Variants in EXOC4 observed in about 807,000 individuals in gnomAD.
EXOC4 encodes exocyst complex component 4.
Under a neutral mutation model 107.2 loss-of-function variants are expected in EXOC4, and 71 were observed. The observed-to-expected ratio is 0.66, with a 90% CI of 0.55 to 0.81. The LOEUF is 0.81. EXOC4 is among the 30% of genes least tolerant of loss of function. EXOC4 has a pLI of 0.00. For synonymous variants in EXOC4, 456 were observed against 441.2 expected, an observed-to-expected ratio of 1.03 and a Z score of -0.42; for missense variants, 1,108 against 1,189.6, an observed-to-expected ratio of 0.93 and a Z score of 1.01.
At position 133,929,197 on chromosome 7, in the gene EXOC4, C is replaced by T. The variant is rs536571140; in HGVS notation, c.2028-8694C>T. Among the ~76,000 whole-genome samples, 46 of 152,158 alleles carry T rather than the reference C, an allele frequency of 3.0e-4. 1 individual carries two copies. The South Asian group carries it at 9.5e-3, about 32-fold the overall frequency. On this transcript the variant is annotated intron_variant, in intron 13 of 17. Transcript: ENST00000253861. Reference sequence around the variant, plus strand: ...CTATTCGCCTTGGCCTCCCAACGTGCTGGTATTATAGGCATGAGCCACCAC... The same window carrying T: ...CTATTCGCCTTGGCCTCCCAACGTGTTGGTATTATAGGCATGAGCCACCAC...
chr7:133,584,497 A>C (rs1801349893), intron 9 of EXOC4, among the ~76,000 whole-genome samples: 1 of 148,106 alleles, frequency 6.8e-6, no homozygotes, highest in African/African-American at 2.5e-5. Context: ...CCTGTGCAGT[A>C]CCTTTTAGAT....
intron 14 of EXOC4, among the ~76,000 whole-genome samples, chr7:133,996,571 T>C (rs556690467): frequency 6.6e-6 from 1 of 152,288 alleles, no homozygotes; most frequent in South Asian, 2.1e-4. Context: ...CTTTATCAAA[T>C]TTTCCAAAAA....
At chr7:133,631,570 CT>C (rs1802592082) in intron 10 of EXOC4, among the ~76,000 whole-genome samples, 1 of 151,896 alleles carries the variant, frequency 6.6e-6, no homozygotes, top group Non-Finnish European at 1.5e-5. Context: ...ATTTTATTGC[CT>C]TTAAGAAGTC....
intron 1 of EXOC4, chr7:133,253,493 G>C: frequency 9.0e-7 from 1 of 1,110,576 alleles, no homozygotes; most frequent in Non-Finnish European, 1.1e-6. Flanking sequence ...CAGGTGTAAA[G>C]GTGTGTTTAT....
chr7:134,008,803 AT>A (rs11363144), intron 17 of EXOC4, among the ~76,000 whole-genome samples: 111,371 of 151,616 alleles, frequency 0.73, 41,719 homozygotes, highest in East Asian at 0.91. Flanking sequence ...TAATTTTTAT[AT>A]TTTTTTTATA....
At chr7:134,082,714 C>T in the EXOC4 span, among the ~76,000 whole-genome samples, 1 of 152,216 alleles carries the variant, frequency 6.6e-6, no homozygotes, top group Admixed American at 6.5e-5. Flanking sequence ...GCTGGGATTA[C>T]AGGCATGACC....
At chr7:133,569,614 G>A (rs1466187481) in intron 9 of EXOC4, among the ~76,000 whole-genome samples, 2 of 152,068 alleles carry the variant, frequency 1.3e-5, no homozygotes, top group Non-Finnish European at 2.9e-5. Flanking sequence ...AAAGATGTGT[G>A]GATTATATTT....
chr7:133,884,621 GC>G (rs1799041419), intron 11 of EXOC4, among the ~76,000 whole-genome samples: 4 of 145,932 alleles, frequency 2.7e-5, no homozygotes, highest in African/African-American at 1.1e-4. Context: ...GTGTGTGTGT[GC>G]GCGCGTGTGT....
At chr7:133,452,967 T>A (rs1357726490) in intron 7 of EXOC4, among the ~76,000 whole-genome samples, 1 of 150,248 alleles carries the variant, frequency 6.7e-6, no homozygotes, top group East Asian at 2.0e-4. Flanking sequence ...TTATGTAAAG[T>A]CTCCTTTTGT....
chr7:134,059,596 G>T (rs1044044516), intron 17 of EXOC4, among the ~76,000 whole-genome samples: 1 of 152,148 alleles, frequency 6.6e-6, no homozygotes, highest in Non-Finnish European at 1.5e-5. Flanking sequence ...TGGCAGCATT[G>T]TCAAGTGTCC....
downstream of EXOC4, among the ~76,000 whole-genome samples, chr7:134,070,669 A>G (rs1796261959): frequency 6.6e-6 from 1 of 152,154 alleles, no homozygotes; most frequent in African/African-American, 2.4e-5. Flanking sequence ...TTGCCAGGAC[A>G]TTTACACACC....
chr7:133,440,628 G>C (rs868372507), intron 7 of EXOC4, among the ~76,000 whole-genome samples: 1 of 152,194 alleles, frequency 6.6e-6, no homozygotes, highest in African/African-American at 2.4e-5. Flanking sequence ...AAAATAGGTT[G>C]CAGTAAAGAA....
At chr7:133,398,127 GA>G (rs1028173924) in intron 7 of EXOC4, among the ~76,000 whole-genome samples, 7 of 151,748 alleles carry the variant, frequency 4.6e-5, no homozygotes, top group East Asian at 3.9e-4. Flanking sequence ...TTGTAATCTG[GA>G]AAAAAAATAT....
At chr7:133,751,982 C>CAAATAAATAAATAAATAAATAAATAAAT (rs138557946) in intron 10 of EXOC4, among the ~76,000 whole-genome samples, 10 of 125,092 alleles carry the variant, frequency 8.0e-5, no homozygotes, top group South Asian at 5.1e-4. Flanking sequence ...ATCTCTCTAC[C>CAAATAAATAAATAAATAAATAAATAAAT]AAATAAATAA....
chr7:133,810,368 C>CT (rs1476992890), intron 10 of EXOC4, among the ~76,000 whole-genome samples: 1 of 152,056 alleles, frequency 6.6e-6, no homozygotes, highest in African/African-American at 2.4e-5. Context: ...CCCTTGATAG[C>CT]AATCAAATCA....
chr7:133,855,438 G>C (rs139597702), intron 11 of EXOC4, among the ~76,000 whole-genome samples: 1 of 152,018 alleles, frequency 6.6e-6, no homozygotes, highest in East Asian at 1.9e-4. Context: ...CCATTTATCA[G>C]GCAGGGAGAA....
intron 7 of EXOC4, among the ~76,000 whole-genome samples, chr7:133,377,625 G>C (rs1219194526): frequency 6.6e-6 from 1 of 152,104 alleles, no homozygotes; most frequent in Admixed American, 6.6e-5. Flanking sequence ...GAGAAATGGT[G>C]ACCAAAAAGT....
chr7:133,707,108 T>C (rs555341939), intron 10 of EXOC4, among the ~76,000 whole-genome samples: 1 of 152,018 alleles, frequency 6.6e-6, no homozygotes, highest in East Asian at 1.9e-4. Context: ...AAAACCAATA[T>C]AAAATTGAAG....
chr7:133,616,655 G>A (rs112307464), intron 9 of EXOC4, among the ~76,000 whole-genome samples: 3 of 152,122 alleles, frequency 2.0e-5, no homozygotes, highest in Non-Finnish European at 2.9e-5. Flanking sequence ...AACAAAGAGA[G>A]TATCAAATAA....
Sources: gnomAD v4.1 joint callset for allele counts (sites outside exome capture counted in the v4.1 genomes callset) on GRCh38, gnomAD v4.1.1 for gene constraint, MANE v1.5 for transcripts, NCBI Gene and HGNC (gene_info 2026-07-23, HGNC 2026-07-21) for gene names.